Variants in DST observed in about 807,000 individuals in gnomAD.
The protein encoded by DST is bullous pemphigoid antigen.
DST carries 253 observed loss-of-function variants against 875.2 expected under a neutral mutation model. That is an observed-to-expected ratio of 0.29 (90% CI 0.26 to 0.32). DST has a LOEUF of 0.32. Ranked by LOEUF, DST falls within the 10% of genes least tolerant of loss-of-function variation. The pLI, the probability that DST is intolerant of heterozygous loss-of-function variation, is 1.00. For missense variants in DST, 8,287 were observed against 9,111.6 expected (o/e 0.91, Z 3.68); for synonymous variants, 3,124 against 3,197.1 (o/e 0.98, Z 0.77).
At chr6:56,702,133 GA>G (rs1244827411) in intron 7 of DST, among the ~76,000 whole-genome samples, 168 bp from the exon 8 acceptor site, 1 of 152,104 alleles carries the variant, frequency 6.6e-6, no homozygotes, top group African/African-American at 2.4e-5. Flanking sequence ...GTCTGAGATT[GA>G]ATGTAAACTA....
intron 4 of DST, among the ~76,000 whole-genome samples, chr6:56,824,153 C>A (rs1275433766): frequency 6.6e-6 from 1 of 152,152 alleles, no homozygotes; most frequent in Non-Finnish European, 1.5e-5. Context: ...CGATTGCAGG[C>A]GCGCGCCGCC....
chr6:56,656,742 C>T (rs1190703573), intron 10 of DST, among the ~76,000 whole-genome samples: 1 of 152,094 alleles, frequency 6.6e-6, no homozygotes, highest in Non-Finnish European at 1.5e-5. Flanking sequence ...CAGTAACACC[C>T]CATATGAAGC....
Position 56,954,531 on chromosome 6 carries a change from G to A in DST, c.57C>T (p.Leu19=). 2 of 1,367,494 alleles carry A rather than the reference G, an allele frequency of 1.5e-6. No homozygotes were observed. The highest frequency in any genetic ancestry group is 2.0e-6 in the Non-Finnish European group (2 of 1,021,814). The allele number at this position is 1,367,494 out of a possible 1,614,324, so 84.7% of individuals were successfully genotyped here. The stretch of plus-strand genomic sequence containing the variant: ...TGCCCAGCAGAAGCAACAAGAGGAA[G>A]AGGGCACATTGGATGCTGTAGGGTC... ...LLRPYSIQCA[L]FLLLLLLGTI... is the part of the protein sequence containing the mutation. The change falls in exon 1 of 104, where the codon CTC becomes CTT. Residue 19 remains leucine (L), a synonymous_variant. Coordinates refer to ENST00000680361, the MANE Select transcript of DST (RefSeq NM_001374736.1).
chr6:56,585,738 A>G (rs1373637690), intron 49 of DST, among the ~76,000 whole-genome samples: 4 of 151,272 alleles, frequency 2.6e-5, no homozygotes, highest in Non-Finnish European at 5.9e-5. Flanking sequence ...ATTTAGTGCT[A>G]TAAATTTCCC....
chr6:56,822,119 G>A (rs975294758), intron 4 of DST, among the ~76,000 whole-genome samples: 3 of 152,134 alleles, frequency 2.0e-5, no homozygotes, highest in East Asian at 3.8e-4. Flanking sequence ...GAGAAAAGGA[G>A]GACATTCTAC....
rs891604430 is a variant in DST, at chr6:56,621,035, G to A, written c.4929+3495C>T. On this transcript the variant is annotated intron_variant, in intron 36 of 103. Transcript: ENST00000680361. ...ACAGATGAGGAAAGGGAGAAACGAG[G>A]AGGACAGATATTTTTGCAAACTCAC... is the stretch of plus-strand genomic sequence containing the variant. 5.9e-5 allele frequency among the ~76,000 whole-genome samples: 9 copies of A among 152,294 alleles called. No individual in the cohort carries two copies. The East Asian group carries it at 1.7e-3, about 29-fold the overall frequency.
Position 56,603,242 on chromosome 6 carries a change from C to T in DST, c.11120G>A (p.Arg3707Lys), listed in dbSNP as rs1209690481. ...FSSLSNVSSE[R>K]TKQIMLAIDS... ...GATCGCAAGCATGATCTGTTTCGTT[C>T]TTTCTGAAGACACGTTGCTGAGGGA... is the stretch of plus-strand genomic sequence containing the variant. The change falls in exon 42 of 104, where the codon AGA becomes AAA. Residue 3707 changes from arginine (R) to lysine (K), a missense_variant. Arg to Lys is a conservative substitution (Grantham distance 26). Around this residue, in one of 10 missense-constraint regions of DST, gnomAD observed 3,138 missense variants for 3,116.6 expected, o/e 1.01. Coordinates refer to ENST00000680361, the MANE Select transcript of DST (RefSeq NM_001374736.1). 7 of 1,606,442 alleles carry T rather than the reference C, an allele frequency of 4.4e-6. No individual in the cohort carries two copies. The highest frequency in any genetic ancestry group is 5.1e-6 in the Non-Finnish European group (6 of 1,176,328).
chr6:56,561,267 T>G, intron 57 of DST, 41 bp downstream of exon 57: 1 of 1,559,178 alleles, frequency 6.4e-7, no homozygotes, highest in Non-Finnish European at 8.7e-7. Flanking sequence ...TGCTAATCCA[T>G]TCTCTTTCAT....
At chr6:56,489,383 C>T in intron 86 of DST, 107 bp downstream of exon 86, 2 of 1,156,720 alleles carry the variant, frequency 1.7e-6, no homozygotes, top group Non-Finnish European at 2.3e-6. Flanking sequence ...TCACACTGGA[C>T]CTACATTTTT....
chr6:56,509,898 T>C (rs2096432705), intron 73 of DST, 25 bp from the exon 74 acceptor site: 1 of 1,526,222 alleles, frequency 6.6e-7, no homozygotes. Context: ...AAGAGATCTT[T>C]TATGGAAAAA....
At chr6:56,814,947 CAG>C (rs2099764874) in intron 4 of DST, among the ~76,000 whole-genome samples, 1 of 152,028 alleles carries the variant, frequency 6.6e-6, no homozygotes, top group Non-Finnish European at 1.5e-5. Context: ...AGGACGGTGG[CAG>C]AGACAGCACA....
rs115232789 is a variant in DST at position 56,952,527 on chromosome 6, A to T, written c.216+1258T>A. On this transcript the variant is annotated intron_variant, in intron 2 of 103. Coordinates refer to ENST00000680361, the MANE Select transcript of DST (RefSeq NM_001374736.1). ...TGATGTTTTCCATAAACTTTAATTA[A>T]GTAATTTAATAAAGACTTGGAAATT... 6.6e-3 allele frequency among the ~76,000 whole-genome samples: 1,005 copies of T among 152,352 alleles called. 10 individuals are homozygous for T. The highest frequency in any genetic ancestry group is 0.023 in the African/African-American group (962 of 41,584).
chr6:56,621,334 T>C (rs2098689098), intron 36 of DST, among the ~76,000 whole-genome samples: 1 of 152,232 alleles, frequency 6.6e-6, no homozygotes, highest in Non-Finnish European at 1.5e-5. Flanking sequence ...ACTTGAAATT[T>C]CTAAAGTCAG....
intron 49 of DST, among the ~76,000 whole-genome samples, chr6:56,589,074 G>A (rs777734610): frequency 3.9e-5 from 6 of 152,166 alleles, no homozygotes; most frequent in Non-Finnish European, 8.8e-5. Context: ...TAGATTGTGA[G>A]TTCACCAAGG....
chr6:56,698,351 A>G (rs1335475802), intron 9 of DST, among the ~76,000 whole-genome samples: 1 of 150,970 alleles, frequency 6.6e-6, no homozygotes, highest in Non-Finnish European at 1.5e-5. Flanking sequence ...TTTGAGACAG[A>G]GTCTCGCTCT....
rs775285672 is a variant in DST at position 56,604,205 on chromosome 6, G to C, written c.10423C>G (p.Leu3475Val). ...TTAGACGTAATGCCTCTTTTCTCTA[G>C]GTCATACTCCATATGAGTTAATTCT... ...MRELTHMEYDLEKRGITSKVL... is the reference protein window; with the variant it reads ...MRELTHMEYDVEKRGITSKVL... Residue 3475 changes from leucine to valine, a missense_variant, in exon 40 of 104, where the codon CTA becomes GTA. Coordinates refer to ENST00000680361, the MANE Select transcript of DST (RefSeq NM_001374736.1). The C allele has an allele frequency of 6.2e-7, 1 of 1,605,610 alleles. No individual in the cohort carries two copies. Among genetic ancestry groups the C allele is most frequent in the South Asian group, 1.1e-5 (1 of 89,836 alleles).
intron 49 of DST, among the ~76,000 whole-genome samples, chr6:56,581,051 TAAAA>T (rs771314105): frequency 1.1e-4 from 10 of 90,692 alleles, no homozygotes; most frequent in Non-Finnish European, 2.0e-4. Context: ...TGGCATTTAT[TAAAA>T]AAAAAAAAAA....
rs1474359205 is a variant in DST at position 56,816,311 on chromosome 6, AT to A, written c.625+35085del. 4.6e-5 allele frequency among the ~76,000 whole-genome samples: 7 copies of A among 152,072 alleles called. No individual in the cohort carries two copies. The South Asian group carries it at 1.4e-3, about 31-fold the overall frequency. On this transcript the variant is annotated intron_variant, in intron 4 of 103. Transcript: ENST00000680361. ...AACCTTGACAAACTGCTTACCTGATATTTTTTTCGCTTCCTGTAGCGCCAAA... is the reference window on the plus strand; with the variant it reads ...AACCTTGACAAACTGCTTACCTGATATTTTTTCGCTTCCTGTAGCGCCAAA...
At chr6:56,552,138 C>T in intron 61 of DST, 46 bp downstream of exon 61, 1 of 1,528,160 alleles carries the variant, frequency 6.5e-7, no homozygotes, top group Non-Finnish European at 8.8e-7. Flanking sequence ...AAATTAGAAA[C>T]TTCATTGACA....
Sources: allele counts gnomAD v4.1 joint callset (sites outside exome capture counted in the v4.1 genomes callset), GRCh38; gene constraint gnomAD v4.1.1; regional missense constraint gnomAD v4.1.1; transcripts MANE v1.5; gene names NCBI Gene and HGNC (gene_info 2026-07-23, HGNC 2026-07-21).